Variants in PARVA observed in about 807,000 individuals in gnomAD.
PARVA encodes alpha-parvin.
Under a neutral mutation model 52.6 loss-of-function variants are expected in PARVA, and 25 were observed. The observed-to-expected ratio is 0.48, with a 90% CI of 0.35 to 0.66. The LOEUF is 0.66. Ranked by LOEUF, PARVA falls within the 30% of genes least tolerant of loss-of-function variation. The pLI is 0.01. For synonymous variants in PARVA, 185 were observed against 179.1 expected (o/e 1.03, Z -0.26); for missense variants, 373 against 450.9 (o/e 0.83, Z 1.56).
At chr11:12,508,199 T>A (rs1486441339) in intron 6 of PARVA, among the ~76,000 whole-genome samples, 1 of 151,218 alleles carries the variant, frequency 6.6e-6, no homozygotes, top group Non-Finnish European at 1.5e-5. Flanking sequence ...CCCAGTTAAA[T>A]GTGTTTCTCA....
At chr11:12,399,409 A>G (rs907729666) in intron 1 of PARVA, among the ~76,000 whole-genome samples, 8 of 152,174 alleles carry the variant, frequency 5.3e-5, no homozygotes, top group African/African-American at 1.9e-4. Flanking sequence ...GTAACCTGTA[A>G]TTCTCCACTG....
At chr11:12,387,946 T>C (rs905295510) in intron 1 of PARVA, among the ~76,000 whole-genome samples, 2 of 152,214 alleles carry the variant, frequency 1.3e-5, no homozygotes, top group African/African-American at 4.8e-5. Context: ...CAAAACTCTA[T>C]AGGAGAGATT....
chr11:12,491,785 CAT>C (rs1354956489), intron 4 of PARVA, among the ~76,000 whole-genome samples: 3 of 152,176 alleles, frequency 2.0e-5, no homozygotes, highest in African/African-American at 7.2e-5. Flanking sequence ...CTCTTAATAA[CAT>C]ATTAAGAAAA....
intron 1 of PARVA, among the ~76,000 whole-genome samples, chr11:12,473,290 G>A (rs1242940788): frequency 1.3e-5 from 2 of 152,076 alleles, no homozygotes; most frequent in East Asian, 1.9e-4. Context: ...GTCAGAGGAC[G>A]GTTGAACGGA....
chr11:12,460,607 A>G (rs1012357751), intron 1 of PARVA, among the ~76,000 whole-genome samples: 1 of 152,158 alleles, frequency 6.6e-6, no homozygotes, highest in Non-Finnish European at 1.5e-5. Flanking sequence ...TCCAACCAGA[A>G]CACAGCATGT....
chr11:12,411,444 A>T (rs1939991709), intron 1 of PARVA, among the ~76,000 whole-genome samples: 1 of 152,246 alleles, frequency 6.6e-6, no homozygotes, highest in Admixed American at 6.5e-5. Flanking sequence ...TTCATACTTT[A>T]TTCAAAACTC....
chr11:12,507,716 TCATAA>T (rs1276835519), intron 6 of PARVA, among the ~76,000 whole-genome samples: 1 of 152,174 alleles, frequency 6.6e-6, no homozygotes, highest in African/African-American at 2.4e-5. Flanking sequence ...AATCTATTAT[TCATAA>T]CACTTTTGAG....
chr11:12,518,339 G>A, intron 11 of PARVA, 106 bp from the exon 12 acceptor site: 1 of 796,758 alleles, frequency 1.3e-6, no homozygotes, highest in Non-Finnish European at 2.1e-6. Context: ...AATTAGTTCA[G>A]CCTCTGTCCC....
At chr11:12,467,918 C>T (rs947685194) in intron 1 of PARVA, among the ~76,000 whole-genome samples, 1 of 152,212 alleles carries the variant, frequency 6.6e-6, no homozygotes, top group African/African-American at 2.4e-5. Flanking sequence ...CCATTCCTCA[C>T]CCCCTTCCCC....
In PARVA at chr11:12,514,072, G is replaced by C. The variant is rs1391435211; in HGVS notation, c.867+7G>C. The stretch of plus-strand genomic sequence containing the variant: ...CACAGAACTGGAAACCCAGGTGGGT[G>C]ACAGACCCCAGCACAGGTAGAGGCA... On this transcript the variant is annotated splice_region_variant and intron_variant, in intron 10 of 12. Transcript: ENST00000334956. 6.2e-7 allele frequency: 1 copy of C among 1,611,558 alleles called. No homozygotes were observed. The highest frequency in any genetic ancestry group is 1.7e-5 in the Admixed American group (1 of 60,026).
At chr11:12,504,453 A>G (rs781064529) in intron 6 of PARVA, 24 bp downstream of exon 6, 1 of 1,435,596 alleles carries the variant, frequency 7.0e-7, no homozygotes, top group Non-Finnish European at 9.8e-7. Context: ...CACTACAAAC[A>G]TCTGTGTCTT....
intron 3 of PARVA, among the ~76,000 whole-genome samples, chr11:12,475,290 A>G (rs754550958): frequency 2.0e-5 from 3 of 152,204 alleles, no homozygotes; most frequent in African/African-American, 4.8e-5. Flanking sequence ...TGCTTGCTCC[A>G]GGAAGCTTGC....
intron 1 of PARVA, among the ~76,000 whole-genome samples, chr11:12,383,047 C>G (rs1589935540): frequency 6.6e-6 from 1 of 152,128 alleles, no homozygotes; most frequent in East Asian, 1.9e-4. Context: ...TATTTTGTCC[C>G]TTTAGGAGTT....
At chr11:12,422,203 A>C (rs928096567) in intron 1 of PARVA, among the ~76,000 whole-genome samples, 1 of 152,210 alleles carries the variant, frequency 6.6e-6, no homozygotes, top group Non-Finnish European at 1.5e-5. Flanking sequence ...CTGAATTGCT[A>C]TATTGAATTT....
At chr11:12,482,561 G>C (rs1176733370) in intron 4 of PARVA, among the ~76,000 whole-genome samples, 1 of 151,892 alleles carries the variant, frequency 6.6e-6, no homozygotes, top group Non-Finnish European at 1.5e-5. Context: ...AGGAGGCAGA[G>C]GTTGCAGTGA....
chr11:12,460,299 C>T (rs1940759950), intron 1 of PARVA, among the ~76,000 whole-genome samples: 1 of 152,150 alleles, frequency 6.6e-6, no homozygotes, highest in Non-Finnish European at 1.5e-5. Flanking sequence ...ACCTTGGCTC[C>T]ACTTTCTAGC....
chr11:12,455,071 A>G (rs1940677547), intron 1 of PARVA, among the ~76,000 whole-genome samples: 1 of 152,196 alleles, frequency 6.6e-6, no homozygotes, highest in African/African-American at 2.4e-5. Context: ...AGACTTTGCT[A>G]CTTGTATCTT....
Position 12,495,934 on chromosome 11 carries a change from A to G in PARVA, c.401-524A>G, listed in dbSNP as rs183821452. Among the ~76,000 whole-genome samples the G allele has an allele frequency of 3.5e-3, 536 of 152,336 alleles. 1 individual carries two copies. The highest frequency in any genetic ancestry group is 0.012 in the African/African-American group (514 of 41,564). On this transcript the variant is annotated intron_variant, in intron 4 of 12. Coordinates refer to ENST00000334956, the MANE Select transcript of PARVA (RefSeq NM_018222.5). ...AGTAAAACACAACCTGACTTTAAGG[A>G]TGTTAAAATGTGAAAAATATGTGCC...
At chr11:12,407,630 C>G (rs1243853090) in intron 1 of PARVA, among the ~76,000 whole-genome samples, 1 of 152,160 alleles carries the variant, frequency 6.6e-6, no homozygotes, top group African/African-American at 2.4e-5. Flanking sequence ...TTGGTCTCTT[C>G]TCACACCCTC....
Sources: allele counts gnomAD v4.1 joint callset (sites outside exome capture counted in the v4.1 genomes callset), GRCh38; gene constraint gnomAD v4.1.1; transcripts MANE v1.5; gene names NCBI Gene and HGNC (gene_info 2026-07-23, HGNC 2026-07-21).